The following CCT4 variants were observed in gnomAD, a reference collection of about 807,000 sequenced individuals.
CCT4 encodes T-complex protein 1 subunit delta.
CCT4 carries 17 observed loss-of-function variants against 62.5 expected under a neutral mutation model. That is an observed-to-expected ratio of 0.27 (90% CI 0.19 to 0.41). CCT4 has a LOEUF of 0.41. Among genes scored for constraint, CCT4 ranks in the 10% least tolerant of loss-of-function variants. The pLI, the probability that CCT4 is intolerant of heterozygous loss-of-function variation, is 1.00. For missense variants in CCT4, 592 were observed against 659.2 expected (o/e 0.90, Z 1.12); for synonymous variants, 250 against 229.9 (o/e 1.09, Z -0.79).
chr2:61,872,967 C>A (rs889995362), intron 10 of CCT4, 35 bp downstream of exon 10: 2 of 1,229,294 alleles, frequency 1.6e-6, no homozygotes, highest in Middle Eastern at 1.9e-4. Context: ...ATACCCAAAC[C>A]TAAGCAAATA....
intron 11 of CCT4, 38 bp from the exon 12 acceptor site, chr2:61,872,354 A>C: frequency 6.8e-7 from 1 of 1,472,320 alleles, no homozygotes; most frequent in Non-Finnish European, 9.2e-7. Flanking sequence ...TATTTTATCC[A>C]AAAGAAAATT....
At chr2:61,873,525 C>T (rs2105127837) in intron 8 of CCT4, among the ~76,000 whole-genome samples, 1 of 152,122 alleles carries the variant, frequency 6.6e-6, no homozygotes, top group East Asian at 1.9e-4. Context: ...CTATAAAACA[C>T]ACGAAATAAC....
intron 5 of CCT4, among the ~76,000 whole-genome samples, chr2:61,878,214 G>C: frequency 6.6e-6 from 1 of 152,220 alleles, no homozygotes; most frequent in East Asian, 1.9e-4. Context: ...AAAAGGATTA[G>C]GGGAAGGAAG....
intron 8 of CCT4, among the ~76,000 whole-genome samples, chr2:61,874,611 CA>C (rs770666364): frequency 0.02 from 2,510 of 123,452 alleles, 56 homozygotes; most frequent in African/African-American, 0.063. Flanking sequence ...ACTGTGTCTC[CA>C]AAAAAAAAAA....
At chr2:61,883,348 C>G in intron 3 of CCT4, 111 bp downstream of exon 3, 1 of 576,614 alleles carries the variant, frequency 1.7e-6, no homozygotes, top group Non-Finnish European at 3.0e-6. Context: ...ATCTGGGAGG[C>G]AGAGGTTGCA....
At chr2:61,885,513 T>A (rs1423309513) in intron 1 of CCT4, among the ~76,000 whole-genome samples, 1 of 152,072 alleles carries the variant, frequency 6.6e-6, no homozygotes, top group Non-Finnish European at 1.5e-5. Flanking sequence ...TGAGTTCAAG[T>A]GATTCTTCCG....
At chr2:61,881,114 A>G (rs778940704) in intron 3 of CCT4, among the ~76,000 whole-genome samples, 1 of 152,176 alleles carries the variant, frequency 6.6e-6, no homozygotes, top group East Asian at 1.9e-4. Context: ...CCATCTTTTC[A>G]TAACTGGTGG....
intron 4 of CCT4, among the ~76,000 whole-genome samples, chr2:61,880,059 A>G (rs969143679): frequency 8.5e-5 from 13 of 152,194 alleles, no homozygotes; most frequent in African/African-American, 1.9e-4. Flanking sequence ...GCAAAATTCA[A>G]TTGAGTTCCA....
intron 1 of CCT4, chr2:61,888,167 G>A (rs754517082): frequency 3.6e-5 from 20 of 561,768 alleles, no homozygotes; most frequent in Non-Finnish European, 5.9e-5. Flanking sequence ...AGATTAAGAT[G>A]CAAAATGGGG....
Position 61,885,005 on chromosome 2 carries a change from G to A in CCT4, c.180+15C>T. 1 of 1,570,454 alleles carries A rather than the reference G, an allele frequency of 6.4e-7. No homozygotes were observed. The highest frequency in any genetic ancestry group is 1.7e-4 in the Middle Eastern group (1 of 5,942). ...CAGTGCTCAATTAGTAGTATTCAAT[G>A]ACTCAACTCTTTACCATTTTATCCA... On this transcript the variant is annotated intron_variant, in intron 2 of 13. Coordinates refer to ENST00000394440, the MANE Select transcript of CCT4 (RefSeq NM_006430.4).
In CCT4 at chr2:61,880,451, C is replaced by G. The variant is rs1190051331; in HGVS notation, c.271-57G>C. On this transcript the variant is annotated intron_variant, in intron 3 of 13. Coordinates refer to ENST00000394440, the MANE Select transcript of CCT4 (RefSeq NM_006430.4). ...TGAGAAATGACAGAACCCAGTAACA[C>G]CTAATTCAAATAATCGCACCAGTGT... 4.5e-6 allele frequency: 4 copies of G among 888,430 alleles called. No homozygotes were observed. In the Admixed American group the frequency reaches 8.9e-5, roughly 20 times the overall value. The allele number at this position is 888,430 out of a possible 1,614,324, so 55.0% of individuals were successfully genotyped here. A position where few individuals can be genotyped will look rare whatever the true frequency, so the allele number is the denominator to read the frequency against.
intron 5 of CCT4, 107 bp from the exon 6 acceptor site, chr2:61,877,621 G>T (rs1669029279): frequency 1.2e-6 from 1 of 816,880 alleles, no homozygotes; most frequent in Non-Finnish European, 1.8e-6. Flanking sequence ...TTGCAGTGGG[G>T]TGTGGGTATG....
At chr2:61,883,700 C>G in intron 2 of CCT4, 152 bp from the exon 3 acceptor site, 3 of 537,738 alleles carry the variant, frequency 5.6e-6, no homozygotes, top group Middle Eastern at 5.1e-4. Context: ...TTTAAGAATA[C>G]GCAATAACAG....
intron 8 of CCT4, among the ~76,000 whole-genome samples, chr2:61,875,873 T>C (rs1261237519): frequency 6.6e-6 from 1 of 152,206 alleles, no homozygotes; most frequent in Non-Finnish European, 1.5e-5. Flanking sequence ...TTATACCATT[T>C]TTTCCCTTGG....
At chr2:61,871,689 T>G (rs1210789593) in intron 12 of CCT4, among the ~76,000 whole-genome samples, 2 of 152,254 alleles carry the variant, frequency 1.3e-5, no homozygotes, top group Non-Finnish European at 2.9e-5. Flanking sequence ...TCATGCTAAC[T>G]AGGGCAATGA....
chr2:61,878,228 T>C (rs1247549874), intron 5 of CCT4, among the ~76,000 whole-genome samples: 2 of 152,202 alleles, frequency 1.3e-5, no homozygotes, highest in Non-Finnish European at 2.9e-5. Flanking sequence ...AAGGAAGGGA[T>C]AAACACAGGA....
Position 61,888,369 on chromosome 2 carries a change from T to A in CCT4, c.127+12A>T. 1 of 1,610,772 alleles carries A rather than the reference T, an allele frequency of 6.2e-7. No individual in the cohort carries two copies. The highest frequency in any genetic ancestry group is 8.5e-7 in the Non-Finnish European group (1 of 1,178,308). On this transcript the variant is annotated intron_variant, in intron 1 of 13. Coordinates refer to ENST00000394440, the MANE Select transcript of CCT4 (RefSeq NM_006430.4). ...CCCCGCGGCGCCGCGGGTCAGGCCA[T>A]GAGAGTGATACCTTTGGCGGCGGAA...
At chr2:61,872,934 G>GAA in intron 10 of CCT4, 68 bp downstream of exon 10, 9 of 942,254 alleles carry the variant, frequency 9.6e-6, no homozygotes, top group South Asian at 2.8e-5. Flanking sequence ...CTCAAAAAAA[G>GAA]AAAAAAAACA....
Position 61,876,190 on chromosome 2 carries a change from T to C in CCT4, c.822A>G (p.Arg274=), listed in dbSNP as rs770859443. 6.8e-6 allele frequency: 11 copies of C among 1,610,970 alleles called. No individual in the cohort carries two copies. The highest frequency in any genetic ancestry group is 9.3e-6 in the Non-Finnish European group (11 of 1,177,698). ...IVVSDYAQMD[R]VLREERAYIL... is the part of the protein sequence containing the mutation. ...TATAGGCTCTCTCTTCTCGCAGCAC[T>C]CGGTCCATCTGGGCATAGTCAGAAA... The change falls in exon 8 of 14, where the codon CGA becomes CGG. Residue 274 remains arginine (R), a synonymous_variant. Transcript: ENST00000394440.
Sources: allele counts gnomAD v4.1 joint callset (sites outside exome capture counted in the v4.1 genomes callset), GRCh38; gene constraint gnomAD v4.1.1; transcripts MANE v1.5; gene names NCBI Gene and HGNC (gene_info 2026-07-23, HGNC 2026-07-21).